The following PDE4C variants were observed in gnomAD, a reference collection of about 807,000 sequenced individuals.
The protein encoded by PDE4C is 3',5'-cyclic-AMP phosphodiesterase 4C.
A neutral mutation model predicts 63.9 loss-of-function variants in PDE4C; 50 were observed. The observed-to-expected ratio is 0.78, with a 90% confidence interval of 0.62 to 0.99. The LOEUF (loss-of-function observed/expected upper bound fraction) is 0.99. Ranked by LOEUF, PDE4C falls within the 50% of genes least tolerant of loss-of-function variation. The pLI, the probability that PDE4C is intolerant of heterozygous loss-of-function variation, is 0.00. For missense variants in PDE4C, 777 were observed against 899.1 expected (o/e 0.86, Z 1.74); for synonymous variants, 377 against 385.1 (o/e 0.98, Z 0.25).
chr19:18,220,992 C>CA lies in PDE4C; in HGVS notation c.450-70_450-69insT. 1.9e-6 allele frequency: 3 copies of CA among 1,553,028 alleles called. No individual in the cohort carries two copies. Among genetic ancestry groups the CA allele is most frequent in the Non-Finnish European group, 2.6e-6 (3 of 1,147,024 alleles). ...CCCCGCCCCCAAGTCCACCAGGCCC[C>CA]GCCCCTCAAACCCACCTGGAGGCGC... On this transcript the variant is annotated intron_variant, in intron 4 of 14. Coordinates refer to ENST00000262805, the Ensembl canonical transcript of PDE4C. This position sits in a 1 kb window ranked among gnomAD's most constrained non-coding sequence, Gnocchi z 5.1.
Position 18,220,433 on chromosome 19 carries a change from C to T in PDE4C, c.582G>A (p.Arg194=), listed in dbSNP as rs371359211. The T allele has an allele frequency of 2.5e-5, 41 of 1,614,182 alleles. No homozygotes were observed. In the South Asian group the frequency reaches 4.4e-4, roughly 17 times the overall value. ...TGGAGGCCATCTCCCCCACCGAGTG[C>T]CGGGTCTGCAGCGTCTCCAACTGAT... Residue 194 remains arginine (R), a synonymous_variant, in exon 6 of 15, where the codon CGG becomes CGA. Coordinates refer to ENST00000262805, the Ensembl canonical transcript of PDE4C. This position sits in a 1 kb window ranked among gnomAD's most constrained non-coding sequence, Gnocchi z 5.1.
At chr19:18,253,267 C>G in the PDE4C span, among the ~76,000 whole-genome samples, 1 of 152,158 alleles carries the variant, frequency 6.6e-6, no homozygotes, top group Non-Finnish European at 1.5e-5. Context: ...TGGGTGCTCC[C>G]AGCTACTGGG....
In PDE4C at chr19:18,211,264, CAATG is replaced by C; in HGVS notation, c.1704_1707del (p.Phe568LeufsTer60). 6.3e-7 allele frequency: 1 copy of C among 1,582,274 alleles called. No individual in the cohort carries two copies. The highest frequency in any genetic ancestry group is 1.7e-5 in the Admixed American group (1 of 57,752). ...TCCCACAGTGGGTGAGCAATGTAGT[CAATG>C]AAACCCACCTGTGGCGGGGGGTGGG... On this transcript the variant is annotated frameshift_variant, in exon 15 of 15. Coordinates refer to ENST00000262805, the Ensembl canonical transcript of PDE4C. LOFTEE classifies it low-confidence loss of function (END_TRUNC).
chr19:18,238,990 CAAAAAA>C (rs113472618), intron 1 of PDE4C, among the ~76,000 whole-genome samples: 2 of 96,948 alleles, frequency 2.1e-5, no homozygotes, highest in Non-Finnish European at 4.4e-5. Context: ...GACCCTGTCT[CAAAAAA>C]AAAAAAAAAG....
upstream of PDE4C, among the ~76,000 whole-genome samples, chr19:18,251,608 T>G (rs1225152876): frequency 6.6e-6 from 1 of 150,588 alleles, no homozygotes; most frequent in Non-Finnish European, 1.5e-5. Flanking sequence ...CTAATTTTTG[T>G]AGTTTTAATA....
intron 1 of PDE4C, chr19:18,224,279 A>T (rs1968625383): frequency 1.0e-6 from 1 of 985,400 alleles, no homozygotes; most frequent in Non-Finnish European, 1.2e-6. Context: ...CGGCACCGAC[A>T]GGAAGACAAC....
chr19:18,234,708 A>G (rs903072934), upstream of PDE4C, among the ~76,000 whole-genome samples: 10 of 152,152 alleles, frequency 6.6e-5, no homozygotes, highest in Admixed American at 2.0e-4. Context: ...GAAGCACTCA[A>G]CAAGGTCTTT....
At chr19:18,238,668 C>T (rs1156991281), upstream of PDE4C, among the ~76,000 whole-genome samples, 1 of 151,924 alleles carries the variant, frequency 6.6e-6, no homozygotes, top group African/African-American at 2.4e-5. Flanking sequence ...TTTTTTCTTA[C>T]ATTTGAGATT....
At chr19:18,217,970 G>T (rs1382829760) in intron 11 of PDE4C, among the ~76,000 whole-genome samples, 179 bp downstream of exon 11, 1 of 152,134 alleles carries the variant, frequency 6.6e-6, no homozygotes, top group Non-Finnish European at 1.5e-5. Flanking sequence ...TCATTTGTTG[G>T]CACCTACTGT....
chr19:18,219,959 T>C (rs1021481060), intron 7 of PDE4C, among the ~76,000 whole-genome samples: 4 of 152,120 alleles, frequency 2.6e-5, no homozygotes, highest in Non-Finnish European at 5.9e-5. Context: ...AACAGCCTAA[T>C]GTCCTTTCCG....
the PDE4C span, among the ~76,000 whole-genome samples, chr19:18,254,368 T>G: frequency 1.3e-5 from 2 of 152,228 alleles, no homozygotes. Context: ...CAAGCCCTGT[T>G]GAGTGCCTGG....
chr19:18,241,962 G>A (rs189329232), intron 1 of PDE4C, among the ~76,000 whole-genome samples: 14 of 152,238 alleles, frequency 9.2e-5, no homozygotes, highest in Admixed American at 6.6e-4. Flanking sequence ...AATTCACCTC[G>A]TGTTAGGAAG....
intron 1 of PDE4C, among the ~76,000 whole-genome samples, chr19:18,243,049 G>A (rs1969071814): frequency 6.6e-6 from 1 of 152,076 alleles, no homozygotes; most frequent in Non-Finnish European, 1.5e-5. Flanking sequence ...TGTTTTGGGG[G>A]CTGAAAGACA....
chr19:18,218,408 C>T (rs767041794), exon 10 of PDE4C: 1 of 1,614,222 alleles, frequency 6.2e-7, no homozygotes, highest in Non-Finnish European at 8.5e-7. Flanking sequence ...TTGTGGTAGG[C>T]CACATTGGCG....
At chr19:18,223,186 G>A (rs989728140) in intron 1 of PDE4C, among the ~76,000 whole-genome samples, 2 of 151,200 alleles carry the variant, frequency 1.3e-5, no homozygotes, top group Admixed American at 6.6e-5. Context: ...GGGATTACAG[G>A]TGCGCACCAC....
upstream of PDE4C, among the ~76,000 whole-genome samples, chr19:18,233,942 C>T (rs1311188526): frequency 6.6e-6 from 1 of 152,194 alleles, no homozygotes; most frequent in African/African-American, 2.4e-5. Flanking sequence ...CGGTTCAGCC[C>T]CAGAAGGGGT....
At chr19:18,222,370 G>A in intron 1 of PDE4C, 47 bp from the exon 2 acceptor site, 1 of 1,555,738 alleles carries the variant, frequency 6.4e-7, no homozygotes. Flanking sequence ...ATGACAACTG[G>A]GTGCCGGGTC....
At chr19:18,214,019 G>T (rs1968085127) in intron 12 of PDE4C, among the ~76,000 whole-genome samples, 1 of 152,188 alleles carries the variant, frequency 6.6e-6, no homozygotes, top group Non-Finnish European at 1.5e-5. Flanking sequence ...AGCACTTTGG[G>T]AGGCCGAGGC....
chr19:18,210,830 G>A, exon 15 of PDE4C: 1 of 1,501,566 alleles, frequency 6.7e-7, no homozygotes, highest in African/African-American at 1.4e-5. Flanking sequence ...GTGGGAAAGT[G>A]AAGCAGGAGC....
Sources: allele counts gnomAD v4.1 joint callset (sites outside exome capture counted in the v4.1 genomes callset), GRCh38; gene constraint gnomAD v4.1.1; non-coding constraint Gnocchi (gnomAD v3.1); transcripts MANE v1.5; gene names NCBI Gene and HGNC (gene_info 2026-07-23, HGNC 2026-07-21).